The following DNAJC5B variants were observed in gnomAD, a reference collection of about 807,000 sequenced individuals.
DNAJC5B encodes the protein dnaJ homolog subfamily C member 5B.
A neutral mutation model predicts 24.7 loss-of-function variants in DNAJC5B; 23 were observed. The observed-to-expected ratio is 0.93, with a 90% confidence interval of 0.67 to 1.32. DNAJC5B has a LOEUF of 1.32. DNAJC5B is among the 40% of genes most tolerant of loss of function. DNAJC5B has a pLI of 0.00. For missense variants in DNAJC5B, 238 were observed against 240.8 expected (o/e 0.99, Z 0.08); for synonymous variants, 101 against 90.1 (o/e 1.12, Z -0.68).
upstream of DNAJC5B, among the ~76,000 whole-genome samples, chr8:66,018,977 T>C (rs1806035348): frequency 1.3e-5 from 2 of 152,200 alleles, no homozygotes; most frequent in Non-Finnish European, 2.9e-5. Flanking sequence ...ATCACTGCCA[T>C]AGGGGACTGA....
the DNAJC5B span, among the ~76,000 whole-genome samples, chr8:66,015,643 A>C: frequency 2.6e-5 from 4 of 152,196 alleles, no homozygotes; most frequent in Non-Finnish European, 5.9e-5. Flanking sequence ...CAAAAGTAGC[A>C]GTATTAAATG....
chr8:66,040,504 A>G (rs1406400575), intron 1 of DNAJC5B, among the ~76,000 whole-genome samples: 4 of 152,260 alleles, frequency 2.6e-5, no homozygotes, highest in Admixed American at 6.5e-5. Context: ...CATTATCTTC[A>G]GTAAATGTTT....
intron 1 of DNAJC5B, among the ~76,000 whole-genome samples, chr8:66,033,317 T>G (rs1161943006): frequency 1.3e-5 from 2 of 152,206 alleles, no homozygotes; most frequent in Non-Finnish European, 2.9e-5. Context: ...GAAATACTTT[T>G]TACATTGGCA....
chr8:66,062,858 C>T (rs543712300), intron 3 of DNAJC5B, among the ~76,000 whole-genome samples: 5 of 151,612 alleles, frequency 3.3e-5, no homozygotes, highest in Non-Finnish European at 5.9e-5. Flanking sequence ...TAGATATTAA[C>T]GTATAGACAG....
Position 66,076,875 on chromosome 8 carries a change from T to C in DNAJC5B, c.333+2T>C, listed in dbSNP as rs1209949525. On this transcript the variant is annotated splice_donor_variant, in intron 4 of 5. Coordinates refer to ENST00000276570, the MANE Select transcript of DNAJC5B (RefSeq NM_033105.6). LOFTEE classifies it high-confidence loss of function. The stretch of plus-strand genomic sequence containing the variant: ...ATGCTGTCGAGCTGGTGGGCAAAGG[T>C]GAAACTGAATTTCCTTTCTTCACAA... The C allele has an allele frequency of 3.8e-5, 62 of 1,613,890 alleles. No individual in the cohort carries two copies. Among genetic ancestry groups the C allele is most frequent in the Non-Finnish European group, 5.2e-5 (61 of 1,179,934 alleles).
At chr8:66,019,156 T>G (rs1806041928), upstream of DNAJC5B, among the ~76,000 whole-genome samples, 1 of 152,232 alleles carries the variant, frequency 6.6e-6, no homozygotes, top group Non-Finnish European at 1.5e-5. Context: ...GATGTCATTT[T>G]TATTTGCCCT....
At chr8:66,033,507 C>A (rs1290522427) in intron 1 of DNAJC5B, among the ~76,000 whole-genome samples, 1 of 152,182 alleles carries the variant, frequency 6.6e-6, no homozygotes, top group Non-Finnish European at 1.5e-5. Context: ...CTGGATCCAC[C>A]CAGCGGATTC....
chr8:66,026,202 A>G (rs1241585014), intron 1 of DNAJC5B, among the ~76,000 whole-genome samples: 2 of 147,238 alleles, frequency 1.4e-5, no homozygotes, highest in East Asian at 3.9e-4. Context: ...ATGGGAGTTC[A>G]CTCATGATTT....
At chr8:66,092,878 T>C (rs979117204) in intron 5 of DNAJC5B, among the ~76,000 whole-genome samples, 3 of 152,122 alleles carry the variant, frequency 2.0e-5, no homozygotes, top group Admixed American at 2.0e-4. Flanking sequence ...CATGGGTATA[T>C]TGTGTGACGC....
chr8:66,034,927 A>G (rs1272702811), intron 1 of DNAJC5B, among the ~76,000 whole-genome samples: 1 of 152,234 alleles, frequency 6.6e-6, no homozygotes, highest in Admixed American at 6.5e-5. Context: ...TGGTCATTTT[A>G]CACATAGATA....
In DNAJC5B at chr8:66,031,000, G is replaced by A. The variant is rs57896411; in HGVS notation, c.-142+9295G>A. Reference sequence around the variant, plus strand: ...TCTCATAGTGATGGCTTTCTCCTGGGCTTATGCTCGTGAGAGCCCCTCACC... The same window carrying A: ...TCTCATAGTGATGGCTTTCTCCTGGACTTATGCTCGTGAGAGCCCCTCACC... On this transcript the variant is annotated intron_variant, in intron 1 of 5. Transcript: ENST00000276570. Among the ~76,000 whole-genome samples, 1,188 of 152,298 alleles carry A rather than the reference G, an allele frequency of 7.8e-3. 9 individuals carry two copies. The highest frequency in any genetic ancestry group is 0.03 in the East Asian group (156 of 5,184).
intron 5 of DNAJC5B, among the ~76,000 whole-genome samples, chr8:66,086,669 G>A (rs1807733245): frequency 6.6e-6 from 1 of 152,112 alleles, no homozygotes. Flanking sequence ...AGACAAGGTG[G>A]GATGGGGAAG....
intron 2 of DNAJC5B, among the ~76,000 whole-genome samples, chr8:66,047,771 C>T (rs752945182): frequency 6.6e-6 from 1 of 152,190 alleles, no homozygotes; most frequent in Non-Finnish European, 1.5e-5. Flanking sequence ...CCCTGAGGAG[C>T]TCAGAGTATG....
At chr8:66,060,171 AG>A (rs771312989) in intron 3 of DNAJC5B, among the ~76,000 whole-genome samples, 9 of 152,158 alleles carry the variant, frequency 5.9e-5, no homozygotes, top group Non-Finnish European at 1.2e-4. Flanking sequence ...TCAGGGGGTG[AG>A]CCAGACACTA....
At chr8:66,031,936 A>T (rs886669091) in intron 1 of DNAJC5B, among the ~76,000 whole-genome samples, 1 of 152,180 alleles carries the variant, frequency 6.6e-6, no homozygotes, top group African/African-American at 2.4e-5. Flanking sequence ...AAAATTAATC[A>T]TTGCACCTAC....
chr8:66,099,905 A>T (rs1163438331), intron 5 of DNAJC5B, 32 bp from the exon 6 acceptor site: 5 of 1,584,974 alleles, frequency 3.2e-6, no homozygotes, highest in Non-Finnish European at 4.3e-6. Flanking sequence ...ACATGATGAG[A>T]GTGTTTATTG....
chr8:66,050,924 T>A (rs938919646), intron 2 of DNAJC5B, among the ~76,000 whole-genome samples: 1 of 152,238 alleles, frequency 6.6e-6, no homozygotes, highest in African/African-American at 2.4e-5. Context: ...GGTAAGCTAA[T>A]TAGCATACAC....
chr8:66,018,818 A>C (rs1010593682), upstream of DNAJC5B, among the ~76,000 whole-genome samples: 6 of 152,144 alleles, frequency 3.9e-5, no homozygotes, highest in Admixed American at 3.9e-4. Flanking sequence ...CTTGAAGTGG[A>C]ATTTAAGTGT....
At chr8:66,075,574 C>T (rs1244152072) in intron 3 of DNAJC5B, among the ~76,000 whole-genome samples, 1 of 151,618 alleles carries the variant, frequency 6.6e-6, no homozygotes, top group Non-Finnish European at 1.5e-5. Context: ...TTATAAATAC[C>T]CCAGATATCT....
Sources: gnomAD v4.1 joint callset for allele counts (sites outside exome capture counted in the v4.1 genomes callset) on GRCh38, gnomAD v4.1.1 for gene constraint, MANE v1.5 for transcripts, NCBI Gene and HGNC (gene_info 2026-07-23, HGNC 2026-07-21) for gene names.